The following HIRA variants were observed in gnomAD, a reference collection of about 807,000 sequenced individuals.
The protein encoded by HIRA is protein HIRA.
In HIRA, 13 loss-of-function variants were observed where a neutral mutation model predicts 126.6. The observed-to-expected ratio is 0.10, with a 90% CI of 0.07 to 0.16. HIRA has a LOEUF of 0.16. Ranked by LOEUF, HIRA falls within the 10% of genes least tolerant of loss-of-function variation. The pLI, the probability that HIRA is intolerant of heterozygous loss-of-function variation, is 1.00. For synonymous variants in HIRA, 511 were observed against 520.0 expected, an observed-to-expected ratio of 0.98 and a Z score of 0.24; for missense variants, 834 against 1,314.4, an observed-to-expected ratio of 0.63 and a Z score of 5.65.
At position 19,353,357 on chromosome 22, in the gene HIRA, T is replaced by C; in HGVS notation, c.2847A>G (p.Glu949=). The change falls in exon 23 of 25, where the codon GAA becomes GAG. Residue 949 remains glutamate, a splice_region_variant and synonymous_variant. Coordinates refer to ENST00000263208, the MANE Select transcript of HIRA (RefSeq NM_003325.4). ...LLVYARYLVN[E]GFEYRLREIC... ...GCTCAGGGCTGCCAGGAGCCTCACC[T>C]TCGTTTACGAGGTACCGTGCGTAGA... is the stretch of plus-strand genomic sequence containing the variant. 1 of 1,612,604 alleles carries C rather than the reference T, an allele frequency of 6.2e-7. No homozygotes were observed.
At chr22:19,407,121 T>C in intron 4 of HIRA, 63 bp downstream of exon 4, 1 of 1,369,268 alleles carries the variant, frequency 7.3e-7, no homozygotes, top group African/African-American at 1.4e-5. Context: ...AAAGGTGACT[T>C]TGATAAAGAC....
rs782167399 is a variant in HIRA, at chr22:19,351,716, G to A, written c.2849-270C>T. On this transcript the variant is annotated intron_variant, in intron 23 of 24. Coordinates refer to ENST00000263208, the MANE Select transcript of HIRA (RefSeq NM_003325.4). This position sits in a 1 kb window ranked among gnomAD's most constrained non-coding sequence, Gnocchi z 4.8. ...TGTGTGTTGGGCCCAGAGGAAAAAC[G>A]AGATATGGCCAGTTCTGTGATAAAC... Among the ~76,000 whole-genome samples, 2 of 152,172 alleles carry A rather than the reference G, an allele frequency of 1.3e-5. No homozygotes were observed. Among genetic ancestry groups the A allele is most frequent in the Non-Finnish European group, 2.9e-5 (2 of 68,038 alleles).
At chr22:19,333,497 G>A (rs1476418261) in intron 24 of HIRA, among the ~76,000 whole-genome samples, 1 of 152,118 alleles carries the variant, frequency 6.6e-6, no homozygotes, top group Non-Finnish European at 1.5e-5. Context: ...TTTTAAAACT[G>A]ACATCAAGGA....
At chr22:19,430,122 C>T (rs904923815) in intron 1 of HIRA, 3 of 152,184 alleles carry the variant, frequency 2.0e-5, no homozygotes, top group Admixed American at 6.5e-5. Flanking sequence ...ACATACCCAT[C>T]ATGTGGAAGA....
chr22:19,413,916 G>A (rs1033913959), intron 1 of HIRA, among the ~76,000 whole-genome samples: 7 of 151,950 alleles, frequency 4.6e-5, no homozygotes, highest in African/African-American at 1.7e-4. Context: ...TGCCCGGCCA[G>A]GAATGAACCT....
At chr22:19,337,785 G>A (rs1210697) in intron 24 of HIRA, among the ~76,000 whole-genome samples, 21,968 of 151,890 alleles carry the variant, frequency 0.14, 1,653 homozygotes, top group Non-Finnish European at 0.17. Context: ...ACCTATACAC[G>A]AAAGCCTATC....
At chr22:19,343,458 G>A (rs187180345) in intron 24 of HIRA, among the ~76,000 whole-genome samples, 1 of 152,236 alleles carries the variant, frequency 6.6e-6, no homozygotes, top group East Asian at 1.9e-4. Context: ...AGCTACTCAG[G>A]AGGCTGAGGT....
intron 5 of HIRA, among the ~76,000 whole-genome samples, chr22:19,399,816 C>T (rs1349105801): frequency 6.6e-6 from 1 of 152,146 alleles, no homozygotes; most frequent in African/African-American, 2.4e-5. Context: ...TTAGTGAAAG[C>T]GTTTGTCTCT....
At chr22:19,356,096 G>T (rs879989563) in intron 20 of HIRA, 134 bp downstream of exon 20, 11 of 848,954 alleles carry the variant, frequency 1.3e-5, no homozygotes, top group Non-Finnish European at 1.7e-5. Context: ...CTCCTGCAGC[G>T]TAACCACACC....
rs796088422 is a variant in HIRA, at chr22:19,400,965, C to T, written c.398-2878G>A. 1.4e-4 allele frequency among the ~76,000 whole-genome samples: 22 copies of T among 152,268 alleles called. 1 individual carries two copies. The highest frequency in any genetic ancestry group is 6.2e-4 in the South Asian group (3 of 4,818). On this transcript the variant is annotated intron_variant, in intron 5 of 24. Coordinates refer to ENST00000263208, the MANE Select transcript of HIRA (RefSeq NM_003325.4). The stretch of plus-strand genomic sequence containing the variant: ...AGCACTTTCACGCCACCAGGAACTC[C>T]GATCTACTGATGCTGCCGTCCCCTC...
intron 24 of HIRA, among the ~76,000 whole-genome samples, chr22:19,339,912 G>C (rs782089701): frequency 6.6e-6 from 1 of 152,206 alleles, no homozygotes; most frequent in Non-Finnish European, 1.5e-5. Context: ...TCTGGGACCA[G>C]ATGGATTCAC....
chr22:19,368,232 G>A (rs531795920), intron 15 of HIRA, among the ~76,000 whole-genome samples: 4 of 152,306 alleles, frequency 2.6e-5, no homozygotes, highest in South Asian at 4.1e-4. Flanking sequence ...ACACACCAGC[G>A]TGTAGAATCC....
intron 24 of HIRA, among the ~76,000 whole-genome samples, chr22:19,332,396 G>C (rs1556004855): frequency 6.6e-6 from 1 of 152,160 alleles, no homozygotes; most frequent in Non-Finnish European, 1.5e-5. Context: ...TTTGATGGAG[G>C]AGCAGCCCAC....
chr22:19,337,222 G>C (rs1374319886), intron 24 of HIRA, among the ~76,000 whole-genome samples: 1 of 150,756 alleles, frequency 6.6e-6, no homozygotes, highest in East Asian at 1.9e-4. Context: ...AGATACCAAA[G>C]GTGAAAATCA....
rs780067472 is a variant in HIRA at position 19,361,811 on chromosome 22, C to G, written c.1896G>C (p.Glu632Asp). The change falls in exon 16 of 25, where the codon GAG (glutamate) becomes GAC (aspartate). Residue 632 changes from glutamate (E) to aspartate (D), a missense_variant. Coordinates refer to ENST00000263208, the MANE Select transcript of HIRA (RefSeq NM_003325.4). ...TCTTCTCTACTGTCTCTACCTCAAG[C>G]TCAAGTTTTCGCTTGGACAGTGAGG... ...KASSLSKRKL[E>D]LEVETVEKKK... is the part of the protein sequence containing the mutation. 20 of 1,614,042 alleles carry G rather than the reference C, an allele frequency of 1.2e-5. No homozygotes were observed. The highest frequency in any genetic ancestry group is 5.0e-5 in the Admixed American group (3 of 60,008).
chr22:19,340,519 C>A lies in HIRA; in HGVS notation c.2938-8963G>T, dbSNP rs531806539. Among the ~76,000 whole-genome samples the A allele has an allele frequency of 1.5e-4, 23 of 152,052 alleles. No individual in the cohort carries two copies. The South Asian group carries it at 4.4e-3, about 29-fold the overall frequency. ...ATTGTACTGGAAGTCCTAGCCAGAG[C>A]AAACAGACAAGAGAAAGAAATAAAG... On this transcript the variant is annotated intron_variant, in intron 24 of 24. Transcript: ENST00000263208.
intron 16 of HIRA, 130 bp downstream of exon 16, chr22:19,361,597 G>A: frequency 1.1e-6 from 1 of 898,498 alleles, no homozygotes; most frequent in Admixed American, 2.0e-5. Context: ...ACATTCCAGG[G>A]GCTGCATGTC....
At chr22:19,413,507 C>T (rs759194136) in intron 1 of HIRA, among the ~76,000 whole-genome samples, 1 of 152,142 alleles carries the variant, frequency 6.6e-6, no homozygotes, top group Non-Finnish European at 1.5e-5. Flanking sequence ...CAGATACCAG[C>T]GCAGTGCTGG....
rs2088805808 is a variant in HIRA, at chr22:19,355,748, C to G, written c.2561+12G>C. On this transcript the variant is annotated intron_variant, in intron 21 of 24. Coordinates refer to ENST00000263208, the MANE Select transcript of HIRA (RefSeq NM_003325.4). ...TCTTCCAGGGAATAGGACTGGGGGT[C>G]AGCTTGCTTACCATGTGGAAAGTGA... 6 of 1,578,440 alleles carry G rather than the reference C, an allele frequency of 3.8e-6. No individual in the cohort carries two copies. The highest frequency in any genetic ancestry group is 5.2e-6 in the Non-Finnish European group (6 of 1,147,960).
Sources: allele counts gnomAD v4.1 joint callset (sites outside exome capture counted in the v4.1 genomes callset), GRCh38; gene constraint gnomAD v4.1.1; non-coding constraint Gnocchi (gnomAD v3.1); transcripts MANE v1.5; gene names NCBI Gene and HGNC (gene_info 2026-07-23, HGNC 2026-07-21).